Variants in MKNK1 observed in about 807,000 individuals in gnomAD.
The protein encoded by MKNK1 is MAPK interacting serine/threonine kinase 1.
Under a neutral mutation model 49.3 loss-of-function variants are expected in MKNK1, and 30 were observed. The observed-to-expected ratio is 0.61, with a 90% CI of 0.46 to 0.83. The LOEUF (loss-of-function observed/expected upper bound fraction) is 0.83, where lower values mean the gene tolerates loss of function less well. MKNK1 is among the 40% of genes least tolerant of loss of function. MKNK1 has a pLI of 0.00. For synonymous variants in MKNK1, 176 were observed against 201.7 expected, an observed-to-expected ratio of 0.87 and a Z score of 1.08; for missense variants, 423 against 524.7, an observed-to-expected ratio of 0.81 and a Z score of 1.89.
intron 2 of MKNK1, among the ~76,000 whole-genome samples, chr1:46,583,940 T>G (rs1304429131): frequency 6.6e-6 from 1 of 152,180 alleles, no homozygotes; most frequent in East Asian, 1.9e-4. Flanking sequence ...TCTCCTCCCA[T>G]AGCTCCTCCA....
intron 2 of MKNK1, among the ~76,000 whole-genome samples, chr1:46,586,664 TGAAA>T (rs57887885): frequency 0.25 from 38,414 of 151,926 alleles, 4,863 homozygotes; most frequent in Admixed American, 0.33. Context: ...GTGCACATCC[TGAAA>T]GAAACATGGG....
At chr1:46,597,932 T>C (rs1674284404) in intron 1 of MKNK1, among the ~76,000 whole-genome samples, 1 of 152,150 alleles carries the variant, frequency 6.6e-6, no homozygotes, top group Non-Finnish European at 1.5e-5. Context: ...ATCCAAGCAA[T>C]GGAAAACAGG....
chr1:46,602,101 T>C (rs1457088466), intron 1 of MKNK1, among the ~76,000 whole-genome samples: 3 of 152,024 alleles, frequency 2.0e-5, no homozygotes, highest in African/African-American at 7.2e-5. Context: ...AGCAGGAACA[T>C]GCAGGGAGTG....
chr1:46,599,425 C>T (rs999776502), intron 1 of MKNK1, among the ~76,000 whole-genome samples: 7 of 152,206 alleles, frequency 4.6e-5, no homozygotes, highest in Admixed American at 3.9e-4. Flanking sequence ...CTTCTGTAAA[C>T]TGGTTCTAAG....
chr1:46,591,505 G>A (rs1411386205), intron 2 of MKNK1, among the ~76,000 whole-genome samples: 1 of 152,140 alleles, frequency 6.6e-6, no homozygotes, highest in Non-Finnish European at 1.5e-5. Context: ...GAAGGAACAA[G>A]AGGAAGGACA....
intron 4 of MKNK1, among the ~76,000 whole-genome samples, chr1:46,578,800 C>A (rs1434419633): frequency 2.0e-5 from 3 of 151,716 alleles, no homozygotes; most frequent in African/African-American, 7.3e-5. Context: ...GTCGCCCAGG[C>A]TGGAGTGCAG....
intron 5 of MKNK1, 45 bp downstream of exon 5, chr1:46,576,530 C>T: frequency 6.6e-7 from 1 of 1,525,064 alleles, no homozygotes; most frequent in Non-Finnish European, 9.1e-7. Flanking sequence ...TCTTCTGTGG[C>T]CAAGCGTCCC....
At chr1:46,599,009 T>G in intron 1 of MKNK1, among the ~76,000 whole-genome samples, 1 of 152,200 alleles carries the variant, frequency 6.6e-6, no homozygotes, top group Admixed American at 6.5e-5. Context: ...AGTGAGCTAA[T>G]GTATATGGAG....
intron 1 of MKNK1, among the ~76,000 whole-genome samples, chr1:46,594,546 C>A (rs1673801799): frequency 6.6e-6 from 1 of 152,180 alleles, no homozygotes; most frequent in African/African-American, 2.4e-5. Context: ...TCCTCTCTAT[C>A]CCCACTGCCA....
chr1:46,571,504 T>C (rs1670119967), intron 7 of MKNK1: 2 of 427,434 alleles, frequency 4.7e-6, no homozygotes, highest in South Asian at 3.3e-5. Flanking sequence ...GATGGCGCCA[T>C]AGCACTCCAG....
At chr1:46,559,546 T>G (rs1667561983) in intron 12 of MKNK1, 1 of 153,508 alleles carries the variant, frequency 6.5e-6, no homozygotes, top group South Asian at 2.0e-4. Context: ...TGATTGCCAC[T>G]CCTCACCTCT....
At chr1:46,582,184 C>T (rs1004504182) in intron 3 of MKNK1, among the ~76,000 whole-genome samples, 23 of 152,108 alleles carry the variant, frequency 1.5e-4, no homozygotes, top group Non-Finnish European at 3.2e-4. Context: ...CATCCCCATA[C>T]CCTGACACAC....
intron 2 of MKNK1, among the ~76,000 whole-genome samples, chr1:46,587,011 T>C (rs972128262): frequency 2.0e-5 from 3 of 152,322 alleles, no homozygotes; most frequent in East Asian, 3.9e-4. Flanking sequence ...GGTTTCGCCA[T>C]GTTGGCCAGG....
chr1:46,577,948 G>C (rs1426041407), intron 4 of MKNK1, among the ~76,000 whole-genome samples: 2 of 152,196 alleles, frequency 1.3e-5, no homozygotes, highest in Admixed American at 1.3e-4. Context: ...AAACTTCTCC[G>C]ATATGATGTG....
intron 2 of MKNK1, chr1:46,585,835 T>G (rs1260507979): frequency 1.8e-6 from 2 of 1,102,874 alleles, no homozygotes; most frequent in South Asian, 2.4e-5. Context: ...CACGTAACAT[T>G]AGATTTTATG....
rs540119684 is a variant in MKNK1 at position 46,562,796 on chromosome 1, C to T, written c.657G>A (p.Thr219=). The part of the protein sequence containing the change: ...YMAPEVVEVF[T]DQATFYDKRC... ...GCTTGTCGTAGAATGTGGCCTGGTC[C>T]GTGAAGACCTCCACTACCTCAGGGG... Residue 219 remains threonine, a synonymous_variant, in exon 10 of 13, where the codon ACG becomes ACA. Coordinates refer to ENST00000371945, the MANE Select transcript of MKNK1 (RefSeq NM_001135553.4). The T allele has an allele frequency of 6.2e-6, 10 of 1,612,770 alleles. No homozygotes were observed. Among genetic ancestry groups the T allele is most frequent in the South Asian group, 3.3e-5 (3 of 90,726 alleles).
Position 46,558,700 on chromosome 1 carries a change from C to A in MKNK1, c.1114G>T (p.Glu372Ter), listed in dbSNP as rs1159990145. The change falls in exon 13 of 13, where the codon GAG becomes TAG. Residue 372 changes from glutamate to a stop codon, truncating the protein, a stop_gained. Coordinates refer to ENST00000371945, the MANE Select transcript of MKNK1 (RefSeq NM_001135553.4). LOFTEE classifies it high-confidence loss of function. ...HEENELAEEP[E>*]ALADGLCSMK... is the part of the protein sequence containing the mutation. ...GAGCAGAGGCCATCAGCTAGTGCCT[C>A]TGGCTCCTCTGCTAGTTCGTTCTCT... 6.2e-7 allele frequency: 1 copy of A among 1,614,268 alleles called. No homozygotes were observed. The highest frequency in any genetic ancestry group is 8.5e-7 in the Non-Finnish European group (1 of 1,180,048).
At chr1:46,561,806 C>T in intron 10 of MKNK1, 164 bp from the exon 11 acceptor site, 7 of 697,144 alleles carry the variant, frequency 1.0e-5, no homozygotes, top group Non-Finnish European at 1.4e-5. Flanking sequence ...CCCGCACTGT[C>T]CCCTAGATGA....
intron 2 of MKNK1, among the ~76,000 whole-genome samples, chr1:46,588,960 T>C (rs1315427540): frequency 6.6e-6 from 1 of 152,198 alleles, no homozygotes; most frequent in Non-Finnish European, 1.5e-5. Flanking sequence ...TCAGTTTCCT[T>C]GTATATGAAA....
Sources: allele counts gnomAD v4.1 joint callset (sites outside exome capture counted in the v4.1 genomes callset), GRCh38; gene constraint gnomAD v4.1.1; transcripts MANE v1.5; gene names NCBI Gene and HGNC (gene_info 2026-07-23, HGNC 2026-07-21).